BRCA1: variants seen among roughly 807,000 people sequenced by gnomAD.
The protein encoded by BRCA1 is breast cancer type 1 susceptibility protein.
Under a neutral mutation model 173.7 loss-of-function variants are expected in BRCA1, and 140 were observed. The observed-to-expected ratio is 0.81, with a 90% CI of 0.70 to 0.93. The LOEUF (loss-of-function observed/expected upper bound fraction) is 0.93. Ranked by LOEUF, BRCA1 falls within the 40% of genes least tolerant of loss-of-function variation. BRCA1 has a pLI of 0.00. For synonymous variants in BRCA1, 662 were observed against 756.0 expected, an observed-to-expected ratio of 0.88 and a Z score of 2.04; for missense variants, 1,983 against 2,172.5, an observed-to-expected ratio of 0.91 and a Z score of 1.73.
intron 1 of BRCA1, among the ~76,000 whole-genome samples, chr17:43,145,471 C>T (rs1283690315): frequency 6.6e-6 from 1 of 151,886 alleles, no homozygotes; most frequent in African/African-American, 2.4e-5. Flanking sequence ...GGACTACAGG[C>T]GCCCACCATC....
intron 2 of BRCA1, among the ~76,000 whole-genome samples, chr17:43,117,437 C>CT (rs1168299208): frequency 6.6e-6 from 1 of 151,874 alleles, no homozygotes; most frequent in African/African-American, 2.4e-5. Flanking sequence ...GAGGAAGACT[C>CT]TGTCTCAAAA....
At chr17:43,166,825 G>A (rs1198403265) in intron 1 of BRCA1, 1 of 152,142 alleles carries the variant, frequency 6.6e-6, no homozygotes, top group African/African-American at 2.4e-5. Context: ...GGGTGATCAG[G>A]CCACACTTCC....
At chr17:43,100,701 A>G (rs2054433591) in intron 6 of BRCA1, among the ~76,000 whole-genome samples, 1 of 26,674 alleles carries the variant, frequency 3.7e-5, no homozygotes. Flanking sequence ...ATATATATAT[A>G]TGTAATCCCA....
In BRCA1 at chr17:43,094,027, AT is replaced by A; in HGVS notation, c.1503del (p.Lys501AsnfsTer2). On this transcript the variant is annotated frameshift_variant, in exon 10 of 23. Coordinates refer to ENST00000357654, the MANE Select transcript of BRCA1 (RefSeq NM_007294.4). LOFTEE classifies it high-confidence loss of function. ...GATGTAGGTCTCCTTTTACGCTTTAATTTATTTGTGAGGGGACGCTCTTGTA... is the reference window on the plus strand; with the variant it reads ...GATGTAGGTCTCCTTTTACGCTTTAATTATTTGTGAGGGGACGCTCTTGTA... ...QIIQERPLTNKLKRKRRPTSG... is the reference protein window; with the variant it reads ...QIIQERPLTNXLKRKRRPTSG... 1 of 1,613,934 alleles carries A rather than the reference AT, an allele frequency of 6.2e-7. No homozygotes were observed.
At position 43,074,226 on chromosome 17, in the gene BRCA1, C is replaced by T. The variant is rs8176213; in HGVS notation, c.4675+105G>A. On this transcript the variant is annotated intron_variant, in intron 14 of 22. Coordinates refer to ENST00000357654, the MANE Select transcript of BRCA1 (RefSeq NM_007294.4). ...GCTTAATTAAGTATAACAAAAGTGT[C>T]CATGATAGACTAGTACATCTAAAAG... The T allele has an allele frequency of 7.6e-4, 870 of 1,148,118 alleles. 8 individuals are homozygous for T. The African/African-American group carries it at 0.011, about 15-fold the overall frequency. 71.1% of individuals were successfully genotyped at this position (1,148,118 alleles called of 1,614,324 possible).
intron 1 of BRCA1, chr17:43,144,833 C>A: frequency 2.2e-6 from 1 of 459,100 alleles, no homozygotes; most frequent in Admixed American, 2.8e-5. Context: ...CCAGCCTGGC[C>A]AACATAGCGA....
intron 3 of BRCA1, among the ~76,000 whole-genome samples, chr17:43,111,227 A>G (rs2055021233): frequency 6.6e-6 from 1 of 151,924 alleles, no homozygotes; most frequent in Non-Finnish European, 1.5e-5. Flanking sequence ...TTCATAAAAG[A>G]TTTCAGAACT....
At chr17:43,161,207 GA>G (rs1237698962) in intron 1 of BRCA1, 1 of 152,204 alleles carries the variant, frequency 6.6e-6, no homozygotes, top group East Asian at 1.9e-4. Context: ...TGCTGGGCCA[GA>G]ATAGTCAAGG....
At position 43,070,909 on chromosome 17, in the gene BRCA1, T is replaced by C. The variant is rs751693860; in HGVS notation, c.4986+19A>G. 6.2e-7 allele frequency: 1 copy of C among 1,613,494 alleles called. No individual in the cohort carries two copies. Among genetic ancestry groups the C allele is most frequent in the Non-Finnish European group, 8.5e-7 (1 of 1,179,606 alleles). ...TGTTAAGTCTTAGTCATTAGGGAGA[T>C]ACATATGGATACACTCACAAATTCT... On this transcript the variant is annotated intron_variant, in intron 15 of 22. Coordinates refer to ENST00000357654, the MANE Select transcript of BRCA1 (RefSeq NM_007294.4).
chr17:43,152,269 A>G (rs1287226491), intron 1 of BRCA1, among the ~76,000 whole-genome samples: 2 of 152,238 alleles, frequency 1.3e-5, no homozygotes, highest in East Asian at 3.8e-4. Context: ...CAGTGACCAC[A>G]CAGTTCTCTC....
chr17:43,152,130 T>G (rs1480294260), intron 1 of BRCA1, among the ~76,000 whole-genome samples: 13 of 152,222 alleles, frequency 8.5e-5, no homozygotes, highest in Admixed American at 8.5e-4. Context: ...CACCACATAC[T>G]TTCAAAATAT....
chr17:43,071,592 T>G (rs942001974), intron 14 of BRCA1, among the ~76,000 whole-genome samples: 1 of 152,202 alleles, frequency 6.6e-6, no homozygotes, highest in African/African-American at 2.4e-5. Context: ...CCTAGTCCAA[T>G]GGAGTACTCT....
chr17:43,168,982 C>T (rs1324059284), intron 1 of BRCA1, among the ~76,000 whole-genome samples: 2 of 152,178 alleles, frequency 1.3e-5, no homozygotes, highest in African/African-American at 4.8e-5. Context: ...GGATCCCCCT[C>T]AAGCACATCC....
intron 11 of BRCA1, among the ~76,000 whole-genome samples, chr17:43,086,706 C>G (rs1240432511): frequency 6.6e-6 from 1 of 152,070 alleles, no homozygotes. Context: ...GAAATTGCAA[C>G]CTTAAACTTT....
chr17:43,157,943 C>T (rs891860993), intron 1 of BRCA1, among the ~76,000 whole-genome samples: 1 of 150,766 alleles, frequency 6.6e-6, no homozygotes, highest in Non-Finnish European at 1.5e-5. Context: ...TTGTGGTGAG[C>T]CGAGATGTGC....
chr17:43,092,485 T>C lies in BRCA1; in HGVS notation c.3046A>G (p.Asn1016Asp), dbSNP rs80357154. ...HSMSPEREMG[N>D]ENIPSTVSTI... ...CTCACTGTACTTGGAATGTTCTCAT[T>C]TCCCATTTCTCTTTCAGGTGACATT... Residue 1016 changes from asparagine to aspartate, a missense_variant, in exon 10 of 23, where the codon AAT becomes GAT. Coordinates refer to ENST00000357654, the MANE Select transcript of BRCA1 (RefSeq NM_007294.4). 6.2e-7 allele frequency: 1 copy of C among 1,614,050 alleles called. No individual in the cohort carries two copies. The highest frequency in any genetic ancestry group is 1.3e-5 in the African/African-American group (1 of 75,066).
In BRCA1 at chr17:43,071,092, C is replaced by T. The variant is rs1567775064; in HGVS notation, c.4822G>A (p.Ala1608Thr). 1 of 1,614,140 alleles carries T rather than the reference C, an allele frequency of 6.2e-7. No homozygotes were observed. Among genetic ancestry groups the T allele is most frequent in the Non-Finnish European group, 8.5e-7 (1 of 1,180,028 alleles). The change falls in exon 15 of 23, where the codon GCA becomes ACA. Residue 1608 changes from alanine (A) to threonine (T), a missense_variant. Physicochemically the swap from Ala to Thr is moderately conservative, Grantham distance 58. Coordinates refer to ENST00000357654, the MANE Select transcript of BRCA1 (RefSeq NM_007294.4). ...SALKVPQLKV[A>T]ESAQSPAAAH... Reference sequence around the variant, plus strand: ...GCAGCTGGACTCTGGGCAGATTCTGCAACTTTCAATTGGGGAACTTTCAAT... The same window carrying T: ...GCAGCTGGACTCTGGGCAGATTCTGTAACTTTCAATTGGGGAACTTTCAAT...
At chr17:43,164,584 G>A (rs1368862850) in intron 1 of BRCA1, 1 of 152,196 alleles carries the variant, frequency 6.6e-6, no homozygotes, top group Non-Finnish European at 1.5e-5. Context: ...GAGATTTTTC[G>A]TAGCTTTAGT....
intron 1 of BRCA1, chr17:43,138,532 C>A (rs2056046958): frequency 1.5e-6 from 1 of 664,826 alleles, no homozygotes; most frequent in Admixed American, 2.2e-5. Context: ...CAAACACCTA[C>A]CAAAAGTGGG....
Sources: gnomAD v4.1 joint callset for allele counts (sites outside exome capture counted in the v4.1 genomes callset) on GRCh38, gnomAD v4.1.1 for gene constraint, MANE v1.5 for transcripts, NCBI Gene and HGNC (gene_info 2026-07-23, HGNC 2026-07-21) for gene names.